The following LRP1B variants were observed in gnomAD, a reference collection of about 807,000 sequenced individuals.
The protein encoded by LRP1B is low-density lipoprotein receptor-related protein 1B.
Under a neutral mutation model 556.6 loss-of-function variants are expected in LRP1B, and 217 were observed. That is an observed-to-expected ratio of 0.39 (90% CI 0.35 to 0.44). The LOEUF (loss-of-function observed/expected upper bound fraction) is 0.44. LRP1B is among the 20% of genes least tolerant of loss of function. LRP1B has a pLI of 1.00. For synonymous variants in LRP1B, 2,047 were observed against 1,865.8 expected, an observed-to-expected ratio of 1.10 and a Z score of -2.50; for missense variants, 5,053 against 5,620.8, an observed-to-expected ratio of 0.90 and a Z score of 3.23.
chr2:141,740,731 TGAA>T (rs1167229026), intron 2 of LRP1B, among the ~76,000 whole-genome samples: 1 of 152,216 alleles, frequency 6.6e-6, no homozygotes, highest in Non-Finnish European at 1.5e-5. Flanking sequence ...CTGTGGACTC[TGAA>T]GGCATTGGAG....
intron 1 of LRP1B, among the ~76,000 whole-genome samples, chr2:141,870,497 A>G (rs983736134): frequency 2.6e-5 from 4 of 152,018 alleles, no homozygotes; most frequent in African/African-American, 9.7e-5. Flanking sequence ...AAAATTATTC[A>G]TATCTGAAGG....
chr2:140,841,720 G>T (rs1430741886), intron 29 of LRP1B, among the ~76,000 whole-genome samples: 5 of 152,208 alleles, frequency 3.3e-5, no homozygotes, highest in African/African-American at 1.2e-4. Flanking sequence ...TATTTTGGTT[G>T]TTATTCATTT....
rs1279543009 is a variant in LRP1B, at chr2:141,868,722, CT to C, written c.83-58322del. Among the ~76,000 whole-genome samples the C allele has an allele frequency of 3.3e-5, 5 of 152,146 alleles. No individual in the cohort carries two copies. In the East Asian group the frequency reaches 9.7e-4, roughly 29 times the overall value. The stretch of plus-strand genomic sequence containing the variant: ...AAATTATGGACTTGTATTTTTCCCC[CT>C]TATTTCTTAAAGCTAATGGTGAAGA... On this transcript the variant is annotated intron_variant, in intron 1 of 90. Coordinates refer to ENST00000389484, the MANE Select transcript of LRP1B (RefSeq NM_018557.3).
chr2:141,470,857 C>A (rs1218742144), intron 3 of LRP1B, among the ~76,000 whole-genome samples: 1 of 152,032 alleles, frequency 6.6e-6, no homozygotes, highest in African/African-American at 2.4e-5. Context: ...GACAAGAGGA[C>A]AAAATTTAGG....
chr2:141,415,142 G>A (rs919709967), intron 3 of LRP1B, among the ~76,000 whole-genome samples: 2 of 152,144 alleles, frequency 1.3e-5, no homozygotes, highest in Admixed American at 1.3e-4. Flanking sequence ...AGCCTCCCCA[G>A]TAGCTGGGAC....
At chr2:140,832,027 A>G (rs1022373779) in intron 31 of LRP1B, among the ~76,000 whole-genome samples, 1 of 152,162 alleles carries the variant, frequency 6.6e-6, no homozygotes, top group Admixed American at 6.5e-5. Context: ...AACAGTAGCT[A>G]GTGAGGAGGT....
chr2:141,157,470 A>G (rs1019794851), intron 7 of LRP1B, among the ~76,000 whole-genome samples: 3 of 152,126 alleles, frequency 2.0e-5, no homozygotes, highest in Admixed American at 6.6e-5. Context: ...AAGAAGAACC[A>G]AAGTCACATG....
chr2:141,640,704 G>C (rs1355944174), intron 2 of LRP1B, among the ~76,000 whole-genome samples: 1 of 152,152 alleles, frequency 6.6e-6, no homozygotes, highest in Non-Finnish European at 1.5e-5. Flanking sequence ...TGAGGAGTGA[G>C]AATTTCTTGA....
At chr2:140,513,079 G>A (rs757654173) in intron 51 of LRP1B, among the ~76,000 whole-genome samples, 1 of 152,044 alleles carries the variant, frequency 6.6e-6, no homozygotes, top group Non-Finnish European at 1.5e-5. Context: ...AAAGGAGGCA[G>A]GAGAAATAAA....
chr2:140,607,042 A>G (rs1682893596), intron 41 of LRP1B, among the ~76,000 whole-genome samples: 1 of 152,138 alleles, frequency 6.6e-6, no homozygotes, highest in South Asian at 2.1e-4. Context: ...CACTTATGTG[A>G]TAATGGACTT....
At chr2:140,492,080 T>A (rs1192832311) in intron 57 of LRP1B, among the ~76,000 whole-genome samples, 1 of 152,180 alleles carries the variant, frequency 6.6e-6, no homozygotes, top group Non-Finnish European at 1.5e-5. Context: ...TGGATTTTCA[T>A]CTGACGTGTT....
intron 6 of LRP1B, among the ~76,000 whole-genome samples, chr2:141,225,009 A>T (rs1476343295): frequency 1.3e-5 from 2 of 152,146 alleles, no homozygotes; most frequent in Non-Finnish European, 2.9e-5. Flanking sequence ...AAATTGTCAG[A>T]ATTCAATAAT....
intron 2 of LRP1B, among the ~76,000 whole-genome samples, chr2:141,676,047 C>T (rs1032380057): frequency 1.3e-5 from 2 of 151,996 alleles, no homozygotes; most frequent in Non-Finnish European, 2.9e-5. Context: ...AGGATATGTA[C>T]GTTAAAGATG....
At position 140,321,956 on chromosome 2, in the gene LRP1B, T is replaced by C; in HGVS notation, c.12640+7A>G. 6.2e-7 allele frequency: 1 copy of C among 1,610,752 alleles called. No individual in the cohort carries two copies. Among genetic ancestry groups the C allele is most frequent in the Non-Finnish European group, 8.5e-7 (1 of 1,178,402 alleles). ...TCATTATTTACAGAATAATAAAGTATACCCACCTAACAGGCTGTCATCATT... is the reference window on the plus strand; with the variant it reads ...TCATTATTTACAGAATAATAAAGTACACCCACCTAACAGGCTGTCATCATT... On this transcript the variant is annotated splice_region_variant and intron_variant, in intron 82 of 90. Transcript: ENST00000389484.
intron 25 of LRP1B, among the ~76,000 whole-genome samples, chr2:140,882,179 T>G (rs1281007844): frequency 6.6e-6 from 1 of 152,178 alleles, no homozygotes; most frequent in Non-Finnish European, 1.5e-5. Flanking sequence ...AACTTAGGTC[T>G]GATAGGTAAA....
chr2:141,177,605 G>A (rs1166611523), intron 7 of LRP1B, among the ~76,000 whole-genome samples: 4 of 152,152 alleles, frequency 2.6e-5, no homozygotes, highest in Admixed American at 2.6e-4. Context: ...TAGTTACTAT[G>A]TGATTGCTTG....
intron 84 of LRP1B, among the ~76,000 whole-genome samples, chr2:140,288,768 A>G (rs1683261428): frequency 6.6e-6 from 1 of 151,878 alleles, no homozygotes; most frequent in Admixed American, 6.6e-5. Flanking sequence ...CAGATATTTA[A>G]ATACAAATCC....
chr2:140,328,578 C>G (rs1449229117), intron 79 of LRP1B, among the ~76,000 whole-genome samples: 1 of 151,770 alleles, frequency 6.6e-6, no homozygotes, highest in Non-Finnish European at 1.5e-5. Context: ...CACTGTTTTT[C>G]AGAACTAGAG....
chr2:141,534,131 G>A (rs1361731326), intron 2 of LRP1B, among the ~76,000 whole-genome samples: 3 of 152,070 alleles, frequency 2.0e-5, no homozygotes, highest in African/African-American at 7.2e-5. Flanking sequence ...AAATTGCAGA[G>A]GTAGTCCATC....
Sources: allele counts gnomAD v4.1 joint callset (sites outside exome capture counted in the v4.1 genomes callset), GRCh38; gene constraint gnomAD v4.1.1; transcripts MANE v1.5; gene names NCBI Gene and HGNC (gene_info 2026-07-23, HGNC 2026-07-21).